The following TAF3 variants were observed in gnomAD, a reference collection of about 807,000 sequenced individuals.
The protein encoded by TAF3 is TATA-box binding protein associated factor 3.
TAF3 carries 7 observed loss-of-function variants against 80.6 expected under a neutral mutation model. The observed-to-expected ratio is 0.09, with a 90% CI of 0.05 to 0.16. The LOEUF is 0.16. TAF3 is among the 10% of genes least tolerant of loss of function. The pLI, the probability that TAF3 is intolerant of heterozygous loss-of-function variation, is 1.00. For synonymous variants in TAF3, 444 were observed against 446.1 expected (o/e 1.00, Z 0.06); for missense variants, 921 against 1,140.2 (o/e 0.81, Z 2.77).
chr10:8,007,562 T>C (rs1488577069), intron 4 of TAF3, among the ~76,000 whole-genome samples: 1 of 60,510 alleles, frequency 1.7e-5, no homozygotes, highest in South Asian at 9.4e-4. Flanking sequence ...GTGTGTGAAA[T>C]TATATATATA....
chr10:7,821,651 G>A (rs929859341), intron 1 of TAF3, among the ~76,000 whole-genome samples: 1 of 152,130 alleles, frequency 6.6e-6, no homozygotes, highest in Non-Finnish European at 1.5e-5. Context: ...TGTCTCTGTC[G>A]GTGTCACATT....
At chr10:7,843,152 C>T (rs910527196) in intron 2 of TAF3, among the ~76,000 whole-genome samples, 1 of 152,134 alleles carries the variant, frequency 6.6e-6, no homozygotes, top group African/African-American at 2.4e-5. Context: ...GGGTCTTTCC[C>T]TGTCACCCAG....
intron 2 of TAF3, among the ~76,000 whole-genome samples, chr10:7,904,357 G>A (rs539376686): frequency 3.3e-5 from 5 of 152,242 alleles, no homozygotes; most frequent in Non-Finnish European, 7.4e-5. Context: ...TAATACAACT[G>A]AAATGAAATG....
rs1330745988 is a variant in TAF3, at chr10:7,824,484, A to G, written c.333A>G (p.Gln111=). ...AGAACAATGTACTTCAGTTTCCTCAACCTGGAAGTAAAGATGCAGAGGAAA... is the reference window on the plus strand; with the variant it reads ...AGAACAATGTACTTCAGTTTCCTCAGCCTGGAAGTAAAGATGCAGAGGAAA... ...VSKNNVLQFP[Q]PGSKDAEERK... is the part of the protein sequence containing the mutation. Residue 111 remains glutamine, a synonymous_variant, in exon 2 of 7, where the codon CAA becomes CAG. Coordinates refer to ENST00000344293, the MANE Select transcript of TAF3 (RefSeq NM_031923.4). 15 of 1,614,126 alleles carry G rather than the reference A, an allele frequency of 9.3e-6. No homozygotes were observed. The highest frequency in any genetic ancestry group is 4.4e-5 in the South Asian group (4 of 91,074).
intron 2 of TAF3, among the ~76,000 whole-genome samples, chr10:7,859,620 A>G (rs769724539): frequency 1.1e-4 from 17 of 152,162 alleles, no homozygotes; most frequent in Non-Finnish European, 4.4e-5. Context: ...CCTCCATTTG[A>G]GAATGAAGTG....
chr10:7,970,944 G>A (rs1831615666), intron 3 of TAF3, among the ~76,000 whole-genome samples: 1 of 152,118 alleles, frequency 6.6e-6, no homozygotes, highest in Non-Finnish European at 1.5e-5. Flanking sequence ...GTGAAATGAA[G>A]GGTTTTTTTT....
intron 2 of TAF3, among the ~76,000 whole-genome samples, chr10:7,913,989 G>A (rs1188801638): frequency 6.6e-6 from 1 of 152,070 alleles, no homozygotes; most frequent in Non-Finnish European, 1.5e-5. Flanking sequence ...AGAGCAGGGG[G>A]GAACCATGAT....
intron 2 of TAF3, among the ~76,000 whole-genome samples, chr10:7,831,448 G>A (rs1339770945): frequency 6.6e-6 from 1 of 151,948 alleles, no homozygotes; most frequent in Non-Finnish European, 1.5e-5. Context: ...CAGGTTCAAG[G>A]GATTCTCCTG....
chr10:7,899,509 C>T (rs1837538530), intron 2 of TAF3, among the ~76,000 whole-genome samples: 1 of 152,128 alleles, frequency 6.6e-6, no homozygotes, highest in South Asian at 2.1e-4. Context: ...ACAGTTAAAC[C>T]CAGCCATTCA....
intron 2 of TAF3, among the ~76,000 whole-genome samples, chr10:7,932,224 A>G (rs1479843140): frequency 6.6e-6 from 1 of 152,192 alleles, no homozygotes; most frequent in Admixed American, 6.5e-5. Flanking sequence ...TTAAAATATT[A>G]TAAGGAATGA....
chr10:7,843,755 T>A (rs1246911839), intron 2 of TAF3, among the ~76,000 whole-genome samples: 1 of 152,094 alleles, frequency 6.6e-6, no homozygotes, highest in African/African-American at 2.4e-5. Context: ...AATTGATTAT[T>A]TCTCCCATGT....
chr10:7,875,411 T>G (rs1489799054), intron 2 of TAF3, among the ~76,000 whole-genome samples: 3 of 152,192 alleles, frequency 2.0e-5, no homozygotes, highest in African/African-American at 7.2e-5. Context: ...ATAGTGATAA[T>G]TTTTCCTCAA....
chr10:8,013,943 C>A (rs1832079893), intron 6 of TAF3, 106 bp downstream of exon 6: 1 of 936,230 alleles, frequency 1.1e-6, no homozygotes, highest in Non-Finnish European at 1.7e-6. Flanking sequence ...TGACCCAGGG[C>A]TGTCCTAGGG....
rs1832106500 is a variant in TAF3 at position 8,016,501 on chromosome 10, TTTGA to T, written c.*1753_*1756del. The T allele has an allele frequency of 6.6e-6, 1 of 152,148 alleles. No individual in the cohort carries two copies. Among genetic ancestry groups the T allele is most frequent in the Non-Finnish European group, 1.5e-5 (1 of 68,046 alleles). 9.4% of individuals were successfully genotyped at this position (152,148 alleles called of 1,614,324 possible). A position where few individuals can be genotyped will look rare whatever the true frequency, so the allele number is the denominator to read the frequency against. ...CTATGTTGAGATATGTGTTTTTTTG[TTTGA>T]TTAATTTGAGATCATTCTAAATACT... On this transcript the variant is annotated 3_prime_UTR_variant, in exon 7 of 7. Transcript: ENST00000344293.
chr10:7,944,615 T>C (rs1019831768), intron 2 of TAF3, among the ~76,000 whole-genome samples: 2 of 152,198 alleles, frequency 1.3e-5, no homozygotes, highest in South Asian at 2.1e-4. Flanking sequence ...ACCATAGTTA[T>C]TGAATAATTA....
At chr10:7,905,220 C>A (rs1207674449) in intron 2 of TAF3, among the ~76,000 whole-genome samples, 6 of 152,126 alleles carry the variant, frequency 3.9e-5, no homozygotes, top group African/African-American at 1.4e-4. Flanking sequence ...CAGAGGTAGA[C>A]CGTACAGAAA....
At chr10:7,859,822 A>G (rs1837126030) in intron 2 of TAF3, among the ~76,000 whole-genome samples, 1 of 152,218 alleles carries the variant, frequency 6.6e-6, no homozygotes, top group South Asian at 2.1e-4. Flanking sequence ...TACAGTGCCT[A>G]GTAGGCACTT....
intron 2 of TAF3, among the ~76,000 whole-genome samples, chr10:7,892,196 A>G (rs1034668186): frequency 2.0e-5 from 3 of 152,136 alleles, no homozygotes; most frequent in Non-Finnish European, 2.9e-5. Flanking sequence ...CAAATTTTCT[A>G]TGCTCTTTTG....
intron 2 of TAF3, among the ~76,000 whole-genome samples, chr10:7,906,500 A>T (rs781308730): frequency 2.0e-5 from 3 of 152,110 alleles, no homozygotes; most frequent in Non-Finnish European, 4.4e-5. Flanking sequence ...GGAGGAGAAA[A>T]GCCAGAAAAA....
Sources: allele counts gnomAD v4.1 joint callset (sites outside exome capture counted in the v4.1 genomes callset), GRCh38; gene constraint gnomAD v4.1.1; transcripts MANE v1.5; gene names NCBI Gene and HGNC (gene_info 2026-07-23, HGNC 2026-07-21).